The following TCERG1 variants were observed in gnomAD, a reference collection of about 807,000 sequenced individuals.
TCERG1 encodes TATA box binding protein (TBP)-associated factor, RNA polymerase II, S, 150kD.
Under a neutral mutation model 144.7 loss-of-function variants are expected in TCERG1, and 37 were observed. That is an observed-to-expected ratio of 0.26 (90% CI 0.20 to 0.34). The LOEUF (loss-of-function observed/expected upper bound fraction) is 0.34, where lower values mean the gene tolerates loss of function less well. TCERG1 is among the 10% of genes least tolerant of loss of function. The pLI, the probability that TCERG1 is intolerant of heterozygous loss-of-function variation, is 1.00. For missense variants in TCERG1, 1,027 were observed against 1,380.7 expected (o/e 0.74, Z 4.06); for synonymous variants, 492 against 458.2 (o/e 1.07, Z -0.94).
chr5:146,482,671 A>G lies in TCERG1; in HGVS notation c.2017A>G (p.Ile673Val), dbSNP rs1415595280. The change falls in exon 14 of 23, where the codon ATT becomes GTT. Residue 673 changes from isoleucine to valine, a missense_variant. Around this residue, in one of 6 missense-constraint regions of TCERG1, gnomAD observed 482 missense variants for 632.6 expected, o/e 0.76. Transcript: ENST00000679501. The part of the protein sequence containing the change: ...AEIKAARERA[I>V]VPLEARMKQF... ...AATTAAAGCTGCCCGAGAAAGGGCC[A>G]TTGTCCCTCTGGAGGCTCGAATGAA... The G allele has an allele frequency of 1.2e-6, 2 of 1,613,422 alleles. No individual in the cohort carries two copies. The highest frequency in any genetic ancestry group is 1.3e-5 in the African/African-American group (1 of 75,002).
intron 16 of TCERG1, among the ~76,000 whole-genome samples, chr5:146,495,050 A>G (rs982151130): frequency 1.3e-5 from 2 of 152,174 alleles, no homozygotes; most frequent in Non-Finnish European, 2.9e-5. Flanking sequence ...TTTTACCTAT[A>G]AGTAATAGAA....
Position 146,511,688 on chromosome 5 carries a change from A to T in TCERG1, c.*1046A>T. The stretch of plus-strand genomic sequence containing the variant: ...GCAGTATAAAAAGGAAGGAATTTGT[A>T]GAGAATCATTTTGGTGCTCAAGTCT... On this transcript the variant is annotated 3_prime_UTR_variant, in exon 23 of 23. Transcript: ENST00000679501. 1 of 152,596 alleles carries T rather than the reference A, an allele frequency of 6.6e-6. No homozygotes were observed. 9.5% of individuals were successfully genotyped at this position (152,596 alleles called of 1,614,324 possible).
chr5:146,504,046 G>T, intron 19 of TCERG1, 40 bp downstream of exon 19: 2 of 1,411,408 alleles, frequency 1.4e-6, no homozygotes, highest in Non-Finnish European at 1.9e-6. Context: ...TAAAGTACTG[G>T]ATATTGGAAA....
chr5:146,487,030 C>T (rs1311313634), intron 15 of TCERG1, among the ~76,000 whole-genome samples: 1 of 151,932 alleles, frequency 6.6e-6, no homozygotes, highest in Non-Finnish European at 1.5e-5. Context: ...GTGGAGGTTG[C>T]AGTGAACCGA....
At chr5:146,448,308 TCCTTGAACAGTGCAGTGA>T (rs1287101936) in intron 1 of TCERG1, among the ~76,000 whole-genome samples, 1 of 152,062 alleles carries the variant, frequency 6.6e-6, no homozygotes, top group East Asian at 1.9e-4. Flanking sequence ...TCATGCCATT[TCCTTGAACAGTGCAGTGA>T]CCTTTTTTTC....
chr5:146,474,982 T>G (rs1764699441), intron 9 of TCERG1, among the ~76,000 whole-genome samples: 1 of 152,192 alleles, frequency 6.6e-6, no homozygotes, highest in African/African-American at 2.4e-5. Context: ...GCCTGTCTAC[T>G]TCTTTTTTTC....
chr5:146,465,153 C>G (rs114849493), intron 5 of TCERG1, among the ~76,000 whole-genome samples: 1 of 152,188 alleles, frequency 6.6e-6, no homozygotes, highest in Non-Finnish European at 1.5e-5. Context: ...TCTGGGAAAA[C>G]TAAATCATAG....
intron 9 of TCERG1, among the ~76,000 whole-genome samples, chr5:146,474,508 A>G (rs1308965782): frequency 6.6e-6 from 1 of 152,244 alleles, no homozygotes; most frequent in Non-Finnish European, 1.5e-5. Context: ...CAGGGCTTCC[A>G]TTTTGATTGA....
At chr5:146,479,751 A>C in intron 10 of TCERG1, 104 bp from the exon 11 acceptor site, 1 of 1,065,518 alleles carries the variant, frequency 9.4e-7, no homozygotes, top group Non-Finnish European at 1.4e-6. Flanking sequence ...AAAGGGATGA[A>C]TATTAAGAGG....
intron 22 of TCERG1, 47 bp from the exon 23 acceptor site, chr5:146,510,394 C>A: frequency 7.3e-7 from 1 of 1,367,118 alleles, no homozygotes; most frequent in Non-Finnish European, 1.0e-6. Flanking sequence ...TCTGAAAGAC[C>A]TGTGAACAGC....
intron 1 of TCERG1, among the ~76,000 whole-genome samples, chr5:146,450,401 G>T (rs567679413): frequency 1.6e-3 from 241 of 152,256 alleles, no homozygotes; most frequent in African/African-American, 5.7e-3. Flanking sequence ...GAAAAGACTA[G>T]AATTTGTGGA....
intron 1 of TCERG1, among the ~76,000 whole-genome samples, chr5:146,454,702 A>T (rs546835452): frequency 1.3e-5 from 2 of 151,920 alleles, no homozygotes; most frequent in Non-Finnish European, 2.9e-5. Flanking sequence ...GGTTCAAGTG[A>T]TTCTCCTGCC....
intron 5 of TCERG1, among the ~76,000 whole-genome samples, chr5:146,464,330 T>A (rs1245677197): frequency 6.6e-6 from 1 of 152,248 alleles, no homozygotes; most frequent in Non-Finnish European, 1.5e-5. Context: ...GATAGTAAGC[T>A]TTTAATAACT....
intron 17 of TCERG1, among the ~76,000 whole-genome samples, chr5:146,499,038 T>C (rs993439202): frequency 6.6e-6 from 1 of 152,258 alleles, no homozygotes; most frequent in African/African-American, 2.4e-5. Flanking sequence ...AAAGCTTCTT[T>C]ATCTTTTTTG....
chr5:146,469,475 A>C, intron 6 of TCERG1, 69 bp from the exon 7 acceptor site: 1 of 1,286,208 alleles, frequency 7.8e-7, no homozygotes, highest in Non-Finnish European at 1.1e-6. Context: ...GATTTAGCTC[A>C]TATTTTAGAG....
At chr5:146,462,989 C>T (rs1763468306) in intron 4 of TCERG1, among the ~76,000 whole-genome samples, 1 of 152,108 alleles carries the variant, frequency 6.6e-6, no homozygotes, top group Non-Finnish European at 1.5e-5. Context: ...TCTATATTTA[C>T]CTAAGTTCTG....
chr5:146,470,891 A>G (rs984985825), intron 8 of TCERG1, 143 bp downstream of exon 8: 18 of 555,942 alleles, frequency 3.2e-5, no homozygotes, highest in Non-Finnish European at 4.9e-5. Flanking sequence ...CAAGTTCTTA[A>G]TTCAGTTTTT....
intron 4 of TCERG1, among the ~76,000 whole-genome samples, chr5:146,460,062 T>C (rs928419678): frequency 2.6e-5 from 4 of 152,094 alleles, no homozygotes; most frequent in African/African-American, 9.7e-5. Flanking sequence ...GGAGGTTTAT[T>C]AGGAGCTTCT....
intron 9 of TCERG1, among the ~76,000 whole-genome samples, chr5:146,477,049 C>T (rs1363093185): frequency 2.6e-5 from 4 of 152,294 alleles, no homozygotes; most frequent in East Asian, 3.9e-4. Flanking sequence ...GAAGTACGGG[C>T]GTGAGCCACC....
Sources: gnomAD v4.1 joint callset for allele counts (sites outside exome capture counted in the v4.1 genomes callset) on GRCh38, gnomAD v4.1.1 for gene constraint, gnomAD v4.1.1 regional missense constraint, MANE v1.5 for transcripts, NCBI Gene and HGNC (gene_info 2026-07-23, HGNC 2026-07-21) for gene names.